Variants in XNDC1N observed in about 807,000 individuals in gnomAD.
The protein encoded by XNDC1N is XRCC1 N-terminal domain containing 1, N-terminal like, also known as protein XNDC1N.
the XNDC1N span, among the ~76,000 whole-genome samples, chr11:71,899,806 G>T: frequency 2.6e-5 from 4 of 152,198 alleles, no homozygotes; most frequent in African/African-American, 7.2e-5. Flanking sequence ...CACCCGTAAA[G>T]GGTCTGTGCT....
At chr11:71,886,017 T>A in the XNDC1N span, among the ~76,000 whole-genome samples, 143 of 152,180 alleles carry the variant, frequency 9.4e-4, 3 homozygotes, top group South Asian at 0.028. Flanking sequence ...TTGCGGTAAG[T>A]CGCATTGCGC....
the XNDC1N span, among the ~76,000 whole-genome samples, chr11:71,921,678 G>GGT: frequency 3.3e-5 from 5 of 151,736 alleles, no homozygotes; most frequent in African/African-American, 1.2e-4. Flanking sequence ...CACTGAGGGG[G>GGT]GTGTGTGTGT....
the XNDC1N span, among the ~76,000 whole-genome samples, chr11:71,906,095 A>G: frequency 6.6e-6 from 1 of 151,738 alleles, no homozygotes; most frequent in East Asian, 1.9e-4. Flanking sequence ...GTACCCAGCT[A>G]GCATATTTTC....
chr11:71,921,595 A>G, the XNDC1N span, among the ~76,000 whole-genome samples: 2,742 of 152,244 alleles, frequency 0.018, 74 homozygotes, highest in African/African-American at 0.063. Flanking sequence ...TCCATAAGTA[A>G]AAGAGAGAGA....
chr11:71,879,914 T>A, the XNDC1N span, among the ~76,000 whole-genome samples: 120 of 152,294 alleles, frequency 7.9e-4, 2 homozygotes, highest in East Asian at 0.018. Flanking sequence ...TGGCATAGAT[T>A]CGTACTTCAT....
the XNDC1N span, among the ~76,000 whole-genome samples, chr11:71,920,055 T>C: frequency 1.4e-5 from 2 of 142,052 alleles, no homozygotes; most frequent in South Asian, 2.4e-4. Context: ...CCTCCCGGGT[T>C]CATGCCATTC....
the XNDC1N span, among the ~76,000 whole-genome samples, chr11:71,887,283 T>C: frequency 6.6e-6 from 1 of 152,210 alleles, no homozygotes. Flanking sequence ...CTTGCACTTG[T>C]ACTGTAGGAG....
chr11:71,865,771 G>GTTTTT, the XNDC1N span: 32 of 365,376 alleles, frequency 8.8e-5, no homozygotes, highest in African/African-American at 6.7e-4. Context: ...GAGAAGAACA[G>GTTTTT]TTTTTTTTTT....
At chr11:71,909,099 CA>C in the XNDC1N span, among the ~76,000 whole-genome samples, 4 of 151,728 alleles carry the variant, frequency 2.6e-5, no homozygotes, top group South Asian at 8.3e-4. Context: ...CCCTGAAAAT[CA>C]GCACATGATT....
chr11:71,879,055 A>G, the XNDC1N span, among the ~76,000 whole-genome samples: 1 of 152,166 alleles, frequency 6.6e-6, no homozygotes, highest in Non-Finnish European at 1.5e-5. Context: ...TGATCAAAAG[A>G]TGGTGAGAGG....
At chr11:71,891,051 G>A in the XNDC1N span, among the ~76,000 whole-genome samples, 1 of 151,936 alleles carries the variant, frequency 6.6e-6, no homozygotes, top group African/African-American at 2.4e-5. Context: ...GGGTATCAGG[G>A]GGAAGGTGTA....
At chr11:71,872,130 C>T in the XNDC1N span, among the ~76,000 whole-genome samples, 1 of 152,074 alleles carries the variant, frequency 6.6e-6, no homozygotes. Flanking sequence ...GATGAACTTC[C>T]ACAACATTAT....
the XNDC1N span, among the ~76,000 whole-genome samples, chr11:71,880,942 C>T: frequency 6.6e-6 from 1 of 152,114 alleles, no homozygotes; most frequent in South Asian, 2.1e-4. Context: ...TATGGTCTAG[C>T]CTGGAGAATG....
At chr11:71,885,839 C>A in the XNDC1N span, among the ~76,000 whole-genome samples, 79 of 151,830 alleles carry the variant, frequency 5.2e-4, 1 homozygote, top group African/African-American at 1.7e-3. Context: ...AGATCAATAT[C>A]AGTTATTAAT....
the XNDC1N span, among the ~76,000 whole-genome samples, chr11:71,890,001 G>T: frequency 6.7e-6 from 1 of 149,542 alleles, no homozygotes; most frequent in South Asian, 2.1e-4. Flanking sequence ...TACAGAAGAC[G>T]GCAAAGGTAT....
the XNDC1N span, chr11:71,928,058 G>C: frequency 5.5e-6 from 1 of 180,448 alleles, no homozygotes; most frequent in African/African-American, 2.4e-5. Context: ...CAGTTATGAA[G>C]GTATACGTAG....
the XNDC1N span, among the ~76,000 whole-genome samples, chr11:71,920,935 A>G: frequency 6.6e-6 from 1 of 152,198 alleles, no homozygotes; most frequent in Non-Finnish European, 1.5e-5. Context: ...ACTGCACTCC[A>G]GCCTGGGAGA....
chr11:71,876,863 A>C, the XNDC1N span, among the ~76,000 whole-genome samples: 3 of 152,250 alleles, frequency 2.0e-5, no homozygotes, highest in Non-Finnish European at 4.4e-5. Flanking sequence ...ATCCTAGGCC[A>C]TTCTGGCTTC....
chr11:71,866,642 T>G, the XNDC1N span, among the ~76,000 whole-genome samples: 5 of 151,986 alleles, frequency 3.3e-5, no homozygotes, highest in African/African-American at 4.8e-5. Flanking sequence ...TGGGTGCCTG[T>G]AATCCCAGCT....
Sources: gnomAD v4.1 joint callset for allele counts (sites outside exome capture counted in the v4.1 genomes callset) on GRCh38, gnomAD v4.1.1 for gene constraint, MANE v1.5 for transcripts, NCBI Gene and HGNC (gene_info 2026-07-23, HGNC 2026-07-21) for gene names.